The following MMAA variants were observed in gnomAD, a reference collection of about 807,000 sequenced individuals.
MMAA encodes the protein methylmalonic aciduria type A protein, mitochondrial.
In MMAA, 41 loss-of-function variants were observed where a neutral mutation model predicts 45.0. The observed-to-expected ratio is 0.91, with a 90% CI of 0.71 to 1.18. MMAA has a LOEUF of 1.18. MMAA is among the 50% of genes most tolerant of loss of function. MMAA has a pLI of 0.00. For missense variants in MMAA, 460 were observed against 495.7 expected (o/e 0.93, Z 0.68); for synonymous variants, 154 against 178.2 (o/e 0.86, Z 1.08).
intron 1 of MMAA, among the ~76,000 whole-genome samples, chr4:145,629,840 A>G (rs1734293593): frequency 6.6e-6 from 1 of 152,180 alleles, no homozygotes; most frequent in Non-Finnish European, 1.5e-5. Context: ...AGAACGGCAC[A>G]GGAAAGACCC....
At chr4:145,622,540 G>A (rs1390133446) in intron 1 of MMAA, among the ~76,000 whole-genome samples, 1 of 152,134 alleles carries the variant, frequency 6.6e-6, no homozygotes, top group Admixed American at 6.5e-5. Flanking sequence ...GTAGGATGAA[G>A]CCATATTCTC....
intron 6 of MMAA, 119 bp from the exon 7 acceptor site, chr4:145,655,027 CA>C: frequency 9.7e-7 from 1 of 1,036,226 alleles, no homozygotes; most frequent in South Asian, 1.5e-5. Context: ...AATAAAATCT[CA>C]CTCTTGTCAA....
Position 145,655,503 on chromosome 4 carries a change from A to G in MMAA, c.*69A>G, listed in dbSNP as rs1368901254. 3 of 1,367,266 alleles carry G rather than the reference A, an allele frequency of 2.2e-6. No homozygotes were observed. The highest frequency in any genetic ancestry group is 2.7e-5 in the South Asian group (2 of 74,518). The allele number at this position is 1,367,266 out of a possible 1,614,324, so 84.7% of individuals were successfully genotyped here. ...GTATTTTAATAGAAAAATCACTTGTATGCTTATATTTTCAGTAATTATTGT... is the reference window on the plus strand; with the variant it reads ...GTATTTTAATAGAAAAATCACTTGTGTGCTTATATTTTCAGTAATTATTGT... On this transcript the variant is annotated 3_prime_UTR_variant, in exon 7 of 7. Coordinates refer to ENST00000649156, the MANE Select transcript of MMAA (RefSeq NM_172250.3).
chr4:145,623,678 T>A (rs1225919022), intron 1 of MMAA, among the ~76,000 whole-genome samples: 1 of 152,168 alleles, frequency 6.6e-6, no homozygotes, highest in Non-Finnish European at 1.5e-5. Flanking sequence ...ACTAGGAAAA[T>A]CATTATTTCA....
chr4:145,633,543 C>T, intron 1 of MMAA, among the ~76,000 whole-genome samples: 1 of 152,172 alleles, frequency 6.6e-6, no homozygotes, highest in East Asian at 1.9e-4. Context: ...ATTTTGAATT[C>T]TCTGTCTGAA....
At chr4:145,650,946 G>A (rs902673342) in intron 4 of MMAA, 116 bp from the exon 5 acceptor site, 2 of 888,266 alleles carry the variant, frequency 2.3e-6, no homozygotes, top group East Asian at 4.8e-5. Context: ...GAGTGACCAG[G>A]TTGACTGTGT....
Position 145,639,348 on chromosome 4 carries a change from C to A in MMAA, c.209C>A (p.Thr70Asn). ...GLKRKLCVQT[T>N]LKDHTEGLSD... Reference sequence around the variant, plus strand: ...AAGAGAAAATTATGTGTACAAACAACCTTAAAGGACCACACAGAAGGACTT... The same window carrying A: ...AAGAGAAAATTATGTGTACAAACAAACTTAAAGGACCACACAGAAGGACTT... The change falls in exon 2 of 7, where the codon ACC becomes AAC. Residue 70 changes from threonine (T) to asparagine (N), a missense_variant. Coordinates refer to ENST00000649156, the MANE Select transcript of MMAA (RefSeq NM_172250.3). 6.2e-7 allele frequency: 1 copy of A among 1,614,088 alleles called. No individual in the cohort carries two copies. The highest frequency in any genetic ancestry group is 1.1e-5 in the South Asian group (1 of 91,068).
At chr4:145,648,721 C>T (rs951468570) in intron 4 of MMAA, among the ~76,000 whole-genome samples, 3 of 152,116 alleles carry the variant, frequency 2.0e-5, no homozygotes, top group African/African-American at 7.2e-5. Flanking sequence ...ATTGTGGCCC[C>T]AGCCTGTAAT....
chr4:145,641,550 A>G (rs992226181), intron 2 of MMAA, among the ~76,000 whole-genome samples: 1 of 152,258 alleles, frequency 6.6e-6, no homozygotes, highest in Non-Finnish European at 1.5e-5. Context: ...TTCATTTAAC[A>G]TACACTTATA....
At chr4:145,639,689 A>G in intron 2 of MMAA, 111 bp downstream of exon 2, 1 of 1,453,322 alleles carries the variant, frequency 6.9e-7, no homozygotes. Flanking sequence ...TTTTTTCACA[A>G]TATTTGGATG....
At chr4:145,627,558 A>G (rs1367204175) in intron 1 of MMAA, among the ~76,000 whole-genome samples, 1 of 152,218 alleles carries the variant, frequency 6.6e-6, no homozygotes, top group Non-Finnish European at 1.5e-5. Context: ...GAGTTGAGCA[A>G]TGAGAATTGG....
Position 145,639,327 on chromosome 4 carries a change from G to A in MMAA, c.188G>A (p.Arg63Lys). The A allele has an allele frequency of 6.2e-7, 1 of 1,614,142 alleles. No homozygotes were observed. Among genetic ancestry groups the A allele is most frequent in the South Asian group, 1.1e-5 (1 of 91,076 alleles). Residue 63 changes from arginine to lysine, a missense_variant, in exon 2 of 7, where the codon AGA (arginine) becomes AAA (lysine). Arg to Lys is a conservative substitution (Grantham distance 26). Transcript: ENST00000649156. ...KWMLLSDGLKRKLCVQTTLKD... is the reference protein window; with the variant it reads ...KWMLLSDGLKKKLCVQTTLKD... ...ATGCTGCTGTCAGATGGCTTAAAGA[G>A]AAAATTATGTGTACAAACAACCTTA...
In MMAA at chr4:145,642,378, CT is replaced by C. The variant is rs1727811666; in HGVS notation, c.456del (p.Gly153ValfsTer8). ...TCCACCGTAGGATTGTCTGGGCCCC[CT>C]GGTGCTGGAAAATCAACATTTATAG... ...LAFRVGLSGP[P>X]GAGKSTFIEY... On this transcript the variant is annotated frameshift_variant, in exon 3 of 7. Coordinates refer to ENST00000649156, the MANE Select transcript of MMAA (RefSeq NM_172250.3). LOFTEE classifies it high-confidence loss of function. 1 of 1,613,896 alleles carries C rather than the reference CT, an allele frequency of 6.2e-7. No homozygotes were observed.
At chr4:145,625,785 G>T in intron 1 of MMAA, 5 of 1,196,926 alleles carry the variant, frequency 4.2e-6, no homozygotes, top group Non-Finnish European at 6.2e-6. Flanking sequence ...CTGTTGAATT[G>T]TCTCCTCTTT....
intron 1 of MMAA, among the ~76,000 whole-genome samples, chr4:145,620,632 T>C (rs1734072141): frequency 6.6e-6 from 1 of 152,218 alleles, no homozygotes; most frequent in South Asian, 2.1e-4. Flanking sequence ...ACTTACACAA[T>C]GGTTCAGTTA....
chr4:145,640,312 C>T (rs1727746919), intron 2 of MMAA, among the ~76,000 whole-genome samples: 1 of 151,862 alleles, frequency 6.6e-6, no homozygotes, highest in Non-Finnish European at 1.5e-5. Flanking sequence ...AGGGTTTCAC[C>T]ATGTTGGCCA....
intron 1 of MMAA, among the ~76,000 whole-genome samples, chr4:145,634,826 C>A (rs1727563272): frequency 6.6e-6 from 1 of 151,800 alleles, no homozygotes; most frequent in Non-Finnish European, 1.5e-5. Flanking sequence ...CCCTTCTGGC[C>A]CAGGGTGTCT....
At chr4:145,648,706 C>A (rs549559851) in intron 4 of MMAA, among the ~76,000 whole-genome samples, 5 of 152,172 alleles carry the variant, frequency 3.3e-5, no homozygotes, top group Non-Finnish European at 7.3e-5. Flanking sequence ...AGACCTAGAG[C>A]GGGCATTGTG....
Position 145,639,077 on chromosome 4 carries a change from A to G in MMAA, c.-63A>G. On this transcript the variant is annotated splice_region_variant and 5_prime_UTR_variant, in exon 2 of 7. Transcript: ENST00000649156. ...TAACATGTTTTTCTTTCTTCTAGGG[A>G]GGTCACAATCACATTGAGCCAAAAC... 7.0e-7 allele frequency: 1 copy of G among 1,434,558 alleles called. No homozygotes were observed. Among genetic ancestry groups the G allele is most frequent in the Admixed American group, 1.7e-5 (1 of 59,750 alleles). The allele number at this position is 1,434,558 out of a possible 1,614,324, so 88.9% of individuals were successfully genotyped here. A position where few individuals can be genotyped will look rare whatever the true frequency, so the allele number is the denominator to read the frequency against.
Sources: allele counts gnomAD v4.1 joint callset (sites outside exome capture counted in the v4.1 genomes callset), GRCh38; gene constraint gnomAD v4.1.1; transcripts MANE v1.5; gene names NCBI Gene and HGNC (gene_info 2026-07-23, HGNC 2026-07-21).